The following CYTIP variants were observed in gnomAD, a reference collection of about 807,000 sequenced individuals.
The protein encoded by CYTIP is cytohesin-interacting protein.
CYTIP carries 26 observed loss-of-function variants against 43.8 expected under a neutral mutation model. The ratio of observed to expected loss-of-function variants is 0.59; its 90% confidence interval spans 0.44 to 0.82. The LOEUF (loss-of-function observed/expected upper bound fraction) is 0.82. CYTIP is among the 40% of genes least tolerant of loss of function. The probability of loss-of-function intolerance (pLI) is 0.00; values close to 1 mark genes in which losing one functional copy is unlikely to be tolerated. For missense variants in CYTIP, 426 were observed against 443.1 expected (o/e 0.96, Z 0.35); for synonymous variants, 162 against 162.9 (o/e 0.99, Z 0.04).
intron 2 of CYTIP, 80 bp downstream of exon 2, chr2:157,434,618 G>GT: frequency 1.0e-6 from 1 of 1,001,986 alleles, no homozygotes; most frequent in African/African-American, 1.8e-5. Flanking sequence ...AGAGAGAGAG[G>GT]AAGAGAGAGG....
intron 1 of CYTIP, among the ~76,000 whole-genome samples, chr2:157,443,389 C>T (rs1227556023): frequency 1.3e-5 from 2 of 152,006 alleles, no homozygotes; most frequent in East Asian, 3.8e-4. Flanking sequence ...GCCAGCAACC[C>T]AGAGCTGAAG....
At chr2:157,422,290 C>T (rs141636826) in intron 6 of CYTIP, among the ~76,000 whole-genome samples, 63 of 152,244 alleles carry the variant, frequency 4.1e-4, no homozygotes, top group African/African-American at 1.5e-3. Context: ...CAATCTAAAC[C>T]TCCAAACACA....
At chr2:157,438,641 C>T (rs1685853732) in intron 1 of CYTIP, among the ~76,000 whole-genome samples, 1 of 151,802 alleles carries the variant, frequency 6.6e-6, no homozygotes, top group Non-Finnish European at 1.5e-5. Context: ...ACTATGTATA[C>T]CATGAGTATG....
At chr2:157,441,178 C>T (rs913868377) in intron 1 of CYTIP, among the ~76,000 whole-genome samples, 1 of 152,136 alleles carries the variant, frequency 6.6e-6, no homozygotes, top group Admixed American at 6.5e-5. Flanking sequence ...TTGACGTCAG[C>T]CCTGAAAGTG....
At chr2:157,440,314 G>A (rs1480325664) in intron 1 of CYTIP, among the ~76,000 whole-genome samples, 2 of 152,136 alleles carry the variant, frequency 1.3e-5, no homozygotes, top group Non-Finnish European at 2.9e-5. Context: ...ATTTCCTGAC[G>A]TTAAGTGCCC....
In CYTIP at chr2:157,415,987, C is replaced by T. The variant is rs1558935951; in HGVS notation, c.770G>A (p.Ser257Asn). The change falls in exon 8 of 8, where the codon AGT becomes AAT. Residue 257 changes from serine (S) to asparagine (N), a missense_variant. Physicochemically the swap from Ser to Asn is conservative, Grantham distance 46. Coordinates refer to ENST00000264192, the MANE Select transcript of CYTIP (RefSeq NM_004288.5). ...KSWLSSMTMDSEDGYQTCVSE... is the reference protein window; with the variant it reads ...KSWLSSMTMDNEDGYQTCVSE... The stretch of plus-strand genomic sequence containing the variant: ...CACACACGTCTGGTAGCCATCTTCA[C>T]TGTCCATCGTCATGGAGCTCAGCCA... The T allele has an allele frequency of 6.2e-7, 1 of 1,614,248 alleles. No individual in the cohort carries two copies.
At chr2:157,431,055 A>G (rs1685707897) in intron 3 of CYTIP, 93 bp from the exon 4 acceptor site, 2 of 997,706 alleles carry the variant, frequency 2.0e-6, no homozygotes, top group Non-Finnish European at 2.9e-6. Context: ...ATTAAGCAGT[A>G]TAATAGGTAA....
intron 1 of CYTIP, among the ~76,000 whole-genome samples, chr2:157,443,356 C>T (rs1437378755): frequency 3.9e-5 from 6 of 151,958 alleles, no homozygotes; most frequent in African/African-American, 1.4e-4. Context: ...AAAAATCTTA[C>T]TTTCCAATAG....
intron 1 of CYTIP, 92 bp from the exon 2 acceptor site, chr2:157,434,839 T>G: frequency 2.1e-6 from 1 of 470,476 alleles, no homozygotes; most frequent in South Asian, 2.0e-5. Context: ...TCTCTCTCTC[T>G]CTCTCTCTCT....
chr2:157,427,222 A>G (rs1431985347), intron 6 of CYTIP, 129 bp downstream of exon 6: 3 of 718,542 alleles, frequency 4.2e-6, no homozygotes, highest in Non-Finnish European at 6.8e-6. Context: ...GCTCTTGATA[A>G]TTCAGCAGTT....
At chr2:157,426,081 T>A (rs1025303689) in intron 6 of CYTIP, among the ~76,000 whole-genome samples, 10 of 152,138 alleles carry the variant, frequency 6.6e-5, no homozygotes, top group Non-Finnish European at 1.0e-4. Context: ...CTGGATTTTT[T>A]AAATTTAAAC....
At chr2:157,431,037 C>A (rs1685706910) in intron 3 of CYTIP, 75 bp from the exon 4 acceptor site, 1 of 1,164,952 alleles carries the variant, frequency 8.6e-7, no homozygotes, top group African/African-American at 1.5e-5. Flanking sequence ...AAAATGATGT[C>A]AATTATCATT....
chr2:157,426,655 G>T (rs1685612441), intron 6 of CYTIP, among the ~76,000 whole-genome samples: 1 of 152,152 alleles, frequency 6.6e-6, no homozygotes, highest in African/African-American at 2.4e-5. Flanking sequence ...GGGAGATTGG[G>T]ATGCAGAGGT....
intron 1 of CYTIP, among the ~76,000 whole-genome samples, chr2:157,437,300 G>T (rs1685825316): frequency 6.6e-6 from 1 of 151,966 alleles, no homozygotes; most frequent in South Asian, 2.1e-4. Flanking sequence ...GGAAATATTT[G>T]CAAACTACTC....
intron 1 of CYTIP, among the ~76,000 whole-genome samples, chr2:157,436,972 T>G (rs1212645671): frequency 6.6e-6 from 1 of 152,064 alleles, no homozygotes; most frequent in African/African-American, 2.4e-5. Flanking sequence ...TAGCAAGATT[T>G]AAAAATGAAA....
chr2:157,443,084 C>G (rs1685942754), intron 1 of CYTIP, among the ~76,000 whole-genome samples: 1 of 152,086 alleles, frequency 6.6e-6, no homozygotes, highest in East Asian at 1.9e-4. Flanking sequence ...GTTTTCATCC[C>G]TAGAGACAAA....
intron 3 of CYTIP, among the ~76,000 whole-genome samples, chr2:157,431,375 T>C (rs1237459177): frequency 6.6e-6 from 1 of 152,210 alleles, no homozygotes; most frequent in Non-Finnish European, 1.5e-5. Context: ...ATTGTACACA[T>C]GCAGCAAGGA....
intron 6 of CYTIP, among the ~76,000 whole-genome samples, chr2:157,425,825 C>A (rs1431574764): frequency 6.6e-6 from 1 of 151,442 alleles, no homozygotes; most frequent in African/African-American, 2.4e-5. Context: ...CCACTGTTTA[C>A]CCCTCATAAA....
At chr2:157,428,036 A>G (rs10497184) in intron 5 of CYTIP, among the ~76,000 whole-genome samples, 13,389 of 152,218 alleles carry the variant, frequency 0.088, 810 homozygotes, top group African/African-American at 0.16. Context: ...CTTTATCTCA[A>G]AACATTCAGT....
Sources: gnomAD v4.1 joint callset for allele counts (sites outside exome capture counted in the v4.1 genomes callset) on GRCh38, gnomAD v4.1.1 for gene constraint, MANE v1.5 for transcripts, NCBI Gene and HGNC (gene_info 2026-07-23, HGNC 2026-07-21) for gene names.